MICU3: variants seen among roughly 807,000 people sequenced by gnomAD.
MICU3 encodes the protein mitochondrial calcium uptake 3, also known as calcium uptake protein 3, mitochondrial.
In MICU3, 62 loss-of-function variants were observed where a neutral mutation model predicts 66.5. The ratio of observed to expected loss-of-function variants is 0.93; its 90% CI spans 0.76 to 1.15. MICU3 has a LOEUF of 1.15. Ranked by LOEUF, MICU3 falls within the 50% of genes most tolerant of loss-of-function variation. The pLI, the probability that MICU3 is intolerant of heterozygous loss-of-function variation, is 0.00. For missense variants in MICU3, 779 were observed against 664.4 expected (o/e 1.17, Z -1.90); for synonymous variants, 308 against 240.7 (o/e 1.28, Z -2.59).
At chr8:17,081,803 G>A in intron 5 of MICU3, 63 bp downstream of exon 5, 1 of 744,628 alleles carries the variant, frequency 1.3e-6, no homozygotes, top group East Asian at 3.2e-5. Flanking sequence ...ATCTTGGAAA[G>A]CAGATCTTAG....
At chr8:17,111,617 T>C in intron 11 of MICU3, among the ~76,000 whole-genome samples, 1 of 152,238 alleles carries the variant, frequency 6.6e-6, no homozygotes, top group Non-Finnish European at 1.5e-5. Context: ...CATGAAGTTT[T>C]GTCTGGTTAT....
rs535949940 is a variant in MICU3, at chr8:17,043,140, C to T, written c.381+15480C>T. ...ATTTTTAGTAGAGACGGGGTTTCAC[C>T]GTGTTAGCCAGGATGGTCTCGATCT... On this transcript the variant is annotated intron_variant, in intron 1 of 14. Coordinates refer to ENST00000318063, the MANE Select transcript of MICU3 (RefSeq NM_181723.3). Among the ~76,000 whole-genome samples, 27 of 151,598 alleles carry T rather than the reference C, an allele frequency of 1.8e-4. No individual in the cohort carries two copies. In the South Asian group the frequency reaches 4.8e-3, roughly 27 times the overall value.
At chr8:17,134,160 G>C in the MICU3 span, 1 of 152,166 alleles carries the variant, frequency 6.6e-6, no homozygotes, top group African/African-American at 2.4e-5. Context: ...AGAACCAATG[G>C]GATGTACATA....
chr8:17,092,549 A>G (rs1205166052), intron 8 of MICU3, among the ~76,000 whole-genome samples: 1 of 152,012 alleles, frequency 6.6e-6, no homozygotes, highest in Non-Finnish European at 1.5e-5. Flanking sequence ...TGCACACATT[A>G]AAGTGATGTA....
chr8:17,064,657 T>C (rs1818405687), intron 2 of MICU3, among the ~76,000 whole-genome samples: 1 of 152,196 alleles, frequency 6.6e-6, no homozygotes, highest in Non-Finnish European at 1.5e-5. Context: ...CCTTTTCATA[T>C]GTTAGAATAA....
At chr8:17,138,114 A>G in the MICU3 span, among the ~76,000 whole-genome samples, 2 of 152,090 alleles carry the variant, frequency 1.3e-5, no homozygotes, top group African/African-American at 4.8e-5. Context: ...ATGATACCAA[A>G]GATGTCACCC....
chr8:17,032,371 C>CT (rs199755033), intron 1 of MICU3, among the ~76,000 whole-genome samples: 1 of 150,000 alleles, frequency 6.7e-6, no homozygotes, highest in African/African-American at 2.4e-5. Context: ...CTAGAACTGC[C>CT]TTTTTTTTTC....
chr8:17,066,514 A>AATATATATATATATAT (rs1487739500), intron 2 of MICU3, among the ~76,000 whole-genome samples: 5 of 85,934 alleles, frequency 5.8e-5, no homozygotes, highest in African/African-American at 1.4e-4. Flanking sequence ...GATTGTTAAT[A>AATATATATATATATAT]ATCTATATAT....
intron 1 of MICU3, among the ~76,000 whole-genome samples, chr8:17,060,766 A>G (rs1325757802): frequency 6.6e-6 from 1 of 151,682 alleles, no homozygotes; most frequent in African/African-American, 2.4e-5. Context: ...GCCTCTGGTT[A>G]TCTCTTTTAT....
intron 9 of MICU3, among the ~76,000 whole-genome samples, chr8:17,099,642 A>G (rs567085634): frequency 2.0e-5 from 3 of 151,980 alleles, no homozygotes; most frequent in Non-Finnish European, 2.9e-5. Flanking sequence ...AATATGAGCC[A>G]TGATTAGGTA....
intron 1 of MICU3, among the ~76,000 whole-genome samples, chr8:17,049,126 G>C (rs1448945036): frequency 6.6e-6 from 1 of 152,120 alleles, no homozygotes; most frequent in Non-Finnish European, 1.5e-5. Flanking sequence ...TCTCTTCGAT[G>C]ATGAGACTAA....
intron 6 of MICU3, 47 bp downstream of exon 6, chr8:17,085,365 A>G (rs777689846): frequency 4.0e-6 from 5 of 1,259,532 alleles, no homozygotes; most frequent in African/African-American, 1.5e-5. Context: ...AATATTGCTT[A>G]CTTATATTTT....
intron 11 of MICU3, among the ~76,000 whole-genome samples, chr8:17,108,772 G>C (rs1056363287): frequency 2.0e-5 from 3 of 152,108 alleles, no homozygotes; most frequent in Non-Finnish European, 4.4e-5. Flanking sequence ...GTTTTTGACT[G>C]TGATTTCGAT....
At chr8:17,044,010 G>T (rs927371633) in intron 1 of MICU3, among the ~76,000 whole-genome samples, 1 of 152,142 alleles carries the variant, frequency 6.6e-6, no homozygotes, top group African/African-American at 2.4e-5. Context: ...AATTATAGCA[G>T]TCGTTTATAA....
downstream of MICU3, among the ~76,000 whole-genome samples, chr8:17,123,595 G>A (rs547092149): frequency 6.6e-6 from 1 of 152,074 alleles, no homozygotes; most frequent in Non-Finnish European, 1.5e-5. Flanking sequence ...AATGTTGCTG[G>A]TGAGCTGTAA....
At chr8:17,101,248 A>G (rs1801230295) in intron 9 of MICU3, among the ~76,000 whole-genome samples, 1 of 151,750 alleles carries the variant, frequency 6.6e-6, no homozygotes, top group Non-Finnish European at 1.5e-5. Context: ...TTGTTATGAA[A>G]ACACCCGAGT....
At chr8:17,137,491 C>A in the MICU3 span, among the ~76,000 whole-genome samples, 3 of 144,980 alleles carry the variant, frequency 2.1e-5, no homozygotes, top group African/African-American at 7.7e-5. Context: ...ATATTTAATA[C>A]CTTAAACCAC....
At chr8:17,117,429 T>C (rs116702931) in intron 13 of MICU3, among the ~76,000 whole-genome samples, 3,892 of 152,096 alleles carry the variant, frequency 0.026, 197 homozygotes, top group African/African-American at 0.089. Flanking sequence ...AATTCAGTGA[T>C]TTTTTTCCCC....
At chr8:17,079,854 TTATGCATTTAAATAATAAAAAAATTGA>T (rs1300264656) in intron 4 of MICU3, among the ~76,000 whole-genome samples, 2 of 152,152 alleles carry the variant, frequency 1.3e-5, no homozygotes, top group Admixed American at 6.6e-5. Flanking sequence ...AGAGAAAATG[TTATGCATTTAAATAATAAAAAAATTGA>T]TATGCATTCA....
Sources: gnomAD v4.1 joint callset for allele counts (sites outside exome capture counted in the v4.1 genomes callset) on GRCh38, gnomAD v4.1.1 for gene constraint, MANE v1.5 for transcripts, NCBI Gene and HGNC (gene_info 2026-07-23, HGNC 2026-07-21) for gene names.